Variants in TRIO observed in about 807,000 individuals in gnomAD.
TRIO encodes the protein trio Rho guanine nucleotide exchange factor, also known as triple functional domain protein.
TRIO carries 58 observed loss-of-function variants against 351.9 expected under a neutral mutation model. The ratio of observed to expected loss-of-function variants is 0.16; its 90% confidence interval spans 0.13 to 0.21. The LOEUF (loss-of-function observed/expected upper bound fraction) is 0.21, where lower values mean the gene tolerates loss of function less well. TRIO is among the 10% of genes least tolerant of loss of function. TRIO has a pLI of 1.00. For missense variants in TRIO, 3,201 were observed against 4,027.8 expected (o/e 0.79, Z 5.56); for synonymous variants, 1,758 against 1,595.7 (o/e 1.10, Z -2.42).
intron 34 of TRIO, among the ~76,000 whole-genome samples, chr5:14,453,795 C>G (rs27107): frequency 6.6e-6 from 1 of 152,084 alleles, no homozygotes; most frequent in African/African-American, 2.4e-5. Flanking sequence ...TTAGTGGGAA[C>G]TGAAGGCATT....
chr5:14,477,745 G>T (rs1755194731), intron 41 of TRIO, among the ~76,000 whole-genome samples: 1 of 152,170 alleles, frequency 6.6e-6, no homozygotes, highest in Admixed American at 6.5e-5. Context: ...GCGCGGTCCT[G>T]TGACATCAGG....
intron 11 of TRIO, among the ~76,000 whole-genome samples, chr5:14,352,219 C>T (rs1475587682): frequency 6.6e-6 from 1 of 152,160 alleles, no homozygotes; most frequent in Non-Finnish European, 1.5e-5. Flanking sequence ...GCCTGCAGAT[C>T]CCCTGGGCAC....
intron 11 of TRIO, among the ~76,000 whole-genome samples, chr5:14,340,128 T>C (rs1741806025): frequency 6.6e-6 from 1 of 152,128 alleles, no homozygotes; most frequent in Non-Finnish European, 1.5e-5. Flanking sequence ...GGCGTGGTGA[T>C]TCACGCCTGT....
At chr5:14,210,885 C>T (rs1014720866) in intron 1 of TRIO, among the ~76,000 whole-genome samples, 9 of 151,966 alleles carry the variant, frequency 5.9e-5, no homozygotes, top group African/African-American at 2.2e-4. Context: ...CTTGTCCTAC[C>T]CTCCACTCCC....
intron 34 of TRIO, among the ~76,000 whole-genome samples, chr5:14,429,357 G>A (rs1323550282): frequency 3.9e-5 from 6 of 152,162 alleles, no homozygotes; most frequent in Admixed American, 6.5e-5. Flanking sequence ...TCAGAGAAGC[G>A]TGAGATGAGA....
At chr5:14,252,065 A>G (rs1429486152) in intron 1 of TRIO, among the ~76,000 whole-genome samples, 1 of 151,838 alleles carries the variant, frequency 6.6e-6, no homozygotes, top group African/African-American at 2.4e-5. Context: ...CTTTGTTTAT[A>G]CTTGTTTACA....
At chr5:14,255,519 G>C (rs1257397396) in intron 1 of TRIO, among the ~76,000 whole-genome samples, 1 of 152,238 alleles carries the variant, frequency 6.6e-6, no homozygotes, top group African/African-American at 2.4e-5. Flanking sequence ...CTGGAGGCAA[G>C]TCACGGGAGA....
chr5:14,467,819 TAAAAA>T (rs1206323170), intron 37 of TRIO, among the ~76,000 whole-genome samples: 2 of 151,638 alleles, frequency 1.3e-5, no homozygotes, highest in African/African-American at 4.8e-5. Context: ...ATCAAAAAAA[TAAAAA>T]AAGGAGCTTG....
At chr5:14,197,589 G>C (rs1790859980) in intron 1 of TRIO, among the ~76,000 whole-genome samples, 1 of 152,144 alleles carries the variant, frequency 6.6e-6, no homozygotes, top group Admixed American at 6.5e-5. Flanking sequence ...GTAGTTATTT[G>C]CCAAGAACTA....
intron 53 of TRIO, 167 bp downstream of exon 53, chr5:14,498,807 G>A (rs2126684221): frequency 1.9e-6 from 2 of 1,067,076 alleles, no homozygotes; most frequent in Non-Finnish European, 2.7e-6. Flanking sequence ...CAGAGTGTCT[G>A]GGATGTCACA....
chr5:14,348,765 A>T (rs914031989), intron 11 of TRIO, among the ~76,000 whole-genome samples: 27 of 105,188 alleles, frequency 2.6e-4, no homozygotes, highest in Non-Finnish European at 5.3e-4. Context: ...GCACATGAGC[A>T]TGTGTGTTTT....
chr5:14,461,360 C>T (rs1215413702), intron 35 of TRIO, 49 bp downstream of exon 35: 1 of 1,456,368 alleles, frequency 6.9e-7, no homozygotes. Context: ...GCCCGCTGGG[C>T]TTTTGCTGCA....
chr5:14,444,631 T>C (rs547868849), intron 34 of TRIO, among the ~76,000 whole-genome samples: 1 of 152,334 alleles, frequency 6.6e-6, no homozygotes, highest in African/African-American at 2.4e-5. Context: ...ATTATGGTTA[T>C]TATGCTCTCC....
intron 19 of TRIO, among the ~76,000 whole-genome samples, chr5:14,376,442 A>G (rs935996707): frequency 1.3e-5 from 2 of 152,226 alleles, no homozygotes; most frequent in African/African-American, 2.4e-5. Context: ...ATGTAAATGT[A>G]AATATGTAGA....
intron 34 of TRIO, among the ~76,000 whole-genome samples, chr5:14,457,373 T>TCTCC (rs1753406729): frequency 2.0e-5 from 1 of 48,926 alleles, no homozygotes; most frequent in Admixed American, 3.2e-4. Flanking sequence ...AGCCCTGACC[T>TCTCC]CCCCCCCCCC....
At chr5:14,345,177 A>G (rs1742305057) in intron 11 of TRIO, among the ~76,000 whole-genome samples, 1 of 152,218 alleles carries the variant, frequency 6.6e-6, no homozygotes, top group African/African-American at 2.4e-5. Flanking sequence ...ACATCGGATC[A>G]CTATTTTCAA....
chr5:14,416,383 C>A (rs996980174), intron 33 of TRIO, among the ~76,000 whole-genome samples: 3 of 151,782 alleles, frequency 2.0e-5, no homozygotes, highest in African/African-American at 7.3e-5. Flanking sequence ...TGAGGTGCAT[C>A]CCCAGGACAG....
At chr5:14,488,535 A>G in intron 48 of TRIO, 2 of 532,576 alleles carry the variant, frequency 3.8e-6, no homozygotes, top group Non-Finnish European at 6.5e-6. Context: ...CCAGCAGAAT[A>G]TCTTCTTGGA....
chr5:14,248,535 G>C (rs571580684), intron 1 of TRIO, among the ~76,000 whole-genome samples: 1 of 152,210 alleles, frequency 6.6e-6, no homozygotes, highest in African/African-American at 2.4e-5. Context: ...ACCTGCTGCC[G>C]TAGGTGAGGG....
Sources: gnomAD v4.1 joint callset for allele counts (sites outside exome capture counted in the v4.1 genomes callset) on GRCh38, gnomAD v4.1.1 for gene constraint, MANE v1.5 for transcripts, NCBI Gene and HGNC (gene_info 2026-07-23, HGNC 2026-07-21) for gene names.